ELFN2: variants seen among roughly 807,000 people sequenced by gnomAD.
ELFN2 encodes extracellular leucine rich repeat and fibronectin type III domain containing 2.
Under a neutral mutation model 45.5 loss-of-function variants are expected in ELFN2, and 17 were observed. That is an observed-to-expected ratio of 0.37 (90% CI 0.26 to 0.56). The LOEUF (loss-of-function observed/expected upper bound fraction) is 0.56, where lower values mean the gene tolerates loss of function less well. Among genes scored for constraint, ELFN2 ranks in the 20% least tolerant of loss-of-function variants. The probability of loss-of-function intolerance (pLI) is 0.77; values close to 1 mark genes in which losing one functional copy is unlikely to be tolerated. For missense variants in ELFN2, 922 were observed against 1,183.2 expected (o/e 0.78, Z 3.24); for synonymous variants, 550 against 551.5 (o/e 1.00, Z 0.04).
chr22:37,344,043 C>T (rs1930629767), intron 1 of ELFN2, among the ~76,000 whole-genome samples: 1 of 143,832 alleles, frequency 7.0e-6, no homozygotes, highest in Non-Finnish European at 1.5e-5. Context: ...GCCCACCTGC[C>T]CATGCCCACC....
chr22:37,392,392 G>A (rs895520272), intron 2 of ELFN2, among the ~76,000 whole-genome samples: 10 of 148,956 alleles, frequency 6.7e-5, no homozygotes, highest in East Asian at 4.0e-4. Context: ...ATCTGGGCTC[G>A]CTGCAACCTC....
chr22:37,364,609 GCTC>G (rs1931161476), downstream of ELFN2, among the ~76,000 whole-genome samples: 1 of 152,220 alleles, frequency 6.6e-6, no homozygotes, highest in South Asian at 2.1e-4. Flanking sequence ...GCAGGACACA[GCTC>G]CTGTAGACAC....
In ELFN2 at chr22:37,374,521, G is replaced by A; in HGVS notation, c.1014C>T (p.Thr338=). The A allele has an allele frequency of 6.2e-7, 1 of 1,614,238 alleles. No homozygotes were observed. The highest frequency in any genetic ancestry group is 8.5e-7 in the Non-Finnish European group (1 of 1,180,038). ...YNNSYFSDVM[T]LKNKKEIVTL... ...TCACGATCTCCTTCTTGTTCTTGAGGGTCATGACGTCGGAGAAGTAGCTGT... is the reference window on the plus strand; with the variant it reads ...TCACGATCTCCTTCTTGTTCTTGAGAGTCATGACGTCGGAGAAGTAGCTGT... The change falls in exon 3 of 3, where the codon ACC becomes ACT. Residue 338 remains threonine (T), a synonymous_variant. Coordinates refer to ENST00000402918, the MANE Select transcript of ELFN2 (RefSeq NM_052906.5).
intron 2 of ELFN2, among the ~76,000 whole-genome samples, chr22:37,379,657 G>A (rs763768129): frequency 1.7e-4 from 26 of 152,322 alleles, no homozygotes; most frequent in Middle Eastern, 6.8e-3. Flanking sequence ...CTCTCATGGG[G>A]ACATTCATGG....
chr22:37,415,969 AAAT>A (rs1304664190), intron 2 of ELFN2, among the ~76,000 whole-genome samples: 2 of 152,190 alleles, frequency 1.3e-5, no homozygotes, highest in African/African-American at 2.4e-5. Context: ...TCTCAAAAAA[AAAT>A]AATAATAATG....
At position 37,371,566 on chromosome 22, in the gene ELFN2, C is replaced by A. The variant is rs1352363698; in HGVS notation, c.*1506G>T. 2 of 152,582 alleles carry A rather than the reference C, an allele frequency of 1.3e-5. No individual in the cohort carries two copies. The highest frequency in any genetic ancestry group is 6.5e-5 in the Admixed American group (1 of 15,286). 9.5% of individuals were successfully genotyped at this position (152,582 alleles called of 1,614,324 possible). ...CAGTCTCAGGACCGCAGATTTGCCTCCCAAAAGAGCTGGCCCCAGGAGCTG... is the reference window on the plus strand; with the variant it reads ...CAGTCTCAGGACCGCAGATTTGCCTACCAAAAGAGCTGGCCCCAGGAGCTG... On this transcript the variant is annotated 3_prime_UTR_variant, in exon 3 of 3. Transcript: ENST00000402918. This position sits in a 1 kb window ranked among gnomAD's most constrained non-coding sequence, Gnocchi z 6.4.
intron 2 of ELFN2, among the ~76,000 whole-genome samples, chr22:37,415,805 A>G (rs930791560): frequency 1.3e-5 from 2 of 152,226 alleles, no homozygotes; most frequent in Non-Finnish European, 2.9e-5. Context: ...TACTAAAAAT[A>G]CAAAAAATTA....
At chr22:37,378,191 G>A (rs534519534) in intron 2 of ELFN2, among the ~76,000 whole-genome samples, 3 of 152,372 alleles carry the variant, frequency 2.0e-5, no homozygotes, top group East Asian at 3.9e-4. Context: ...CATCAGCTTC[G>A]GGGGCATGTG....
In ELFN2 at chr22:37,374,558, A is replaced by T; in HGVS notation, c.977T>A (p.Val326Glu). The change falls in exon 3 of 3, where the codon GTG (valine) becomes GAG (glutamate). Residue 326 changes from valine (V) to glutamate (E), a missense_variant. Physicochemically the swap from Val to Glu is moderately radical, Grantham distance 121 (BLOSUM62 -2). Transcript: ENST00000402918. ...PHPYSKMYILVQYNNSYFSDV... is the reference protein window; with the variant it reads ...PHPYSKMYILEQYNNSYFSDV... ...GGAGAAGTAGCTGTTGTTGTACTGC[A>T]CGAGGATGTACATCTTGCTGTAGGG... 6.2e-7 allele frequency: 1 copy of T among 1,614,230 alleles called. No individual in the cohort carries two copies.
rs914308615 is a variant in ELFN2, at chr22:37,350,304, G to T, written n.149-7601C>A. Among the ~76,000 whole-genome samples, 23 of 150,872 alleles carry T rather than the reference G, an allele frequency of 1.5e-4. 1 individual carries two copies. Among genetic ancestry groups the T allele is most frequent in the African/African-American group, 5.6e-4 (23 of 41,334 alleles). On this transcript the variant is annotated intron_variant and non_coding_transcript_variant, in intron 1 of 2. Transcript: ENST00000452946. ...AAGGAAATGATTCAGTTTTGTTCCT[G>T]GAGGCAAAAGAAGTTCCATTTCTGC...
rs375431889 is a variant in ELFN2 at position 37,422,949 on chromosome 22, G to C, written c.-614+4349C>G. Among the ~76,000 whole-genome samples, 89 of 149,002 alleles carry C rather than the reference G, an allele frequency of 6.0e-4. 2 individuals are homozygous for C. Among genetic ancestry groups the C allele is most frequent in the Admixed American group, 2.0e-3 (30 of 15,070 alleles). ...TATTGAGGAAACTGGGCCTCGGGGGGGGGGGGGGAAGTGACTTGCCCAGGA... is the reference window on the plus strand; with the variant it reads ...TATTGAGGAAACTGGGCCTCGGGGGCGGGGGGGGAAGTGACTTGCCCAGGA... On this transcript the variant is annotated intron_variant, in intron 1 of 2. Transcript: ENST00000402918.
intron 2 of ELFN2, among the ~76,000 whole-genome samples, chr22:37,387,072 G>C (rs1224064249): frequency 6.6e-6 from 1 of 152,224 alleles, no homozygotes; most frequent in Non-Finnish European, 1.5e-5. Flanking sequence ...CACACGCCAG[G>C]CAGGCAGGAG....
At chr22:37,420,940 C>G (rs974385281) in intron 1 of ELFN2, among the ~76,000 whole-genome samples, 2 of 152,138 alleles carry the variant, frequency 1.3e-5, no homozygotes, top group Non-Finnish European at 2.9e-5. Context: ...GGGGAACATG[C>G]AGCTGCCATC....
chr22:37,355,666 C>T (rs1930932127), intron 1 of ELFN2, among the ~76,000 whole-genome samples: 1 of 152,236 alleles, frequency 6.6e-6, no homozygotes, highest in South Asian at 2.1e-4. Context: ...GTATCAGCTC[C>T]TGGAGGGCCC....
At chr22:37,393,875 C>G (rs147840404) in intron 2 of ELFN2, among the ~76,000 whole-genome samples, 1 of 152,174 alleles carries the variant, frequency 6.6e-6, no homozygotes, top group Non-Finnish European at 1.5e-5. Flanking sequence ...CGACACGGAA[C>G]GGGTCCCCCA....
chr22:37,408,032 G>C (rs1014766412), intron 2 of ELFN2, among the ~76,000 whole-genome samples: 1 of 152,214 alleles, frequency 6.6e-6, no homozygotes, highest in Non-Finnish European at 1.5e-5. Context: ...AGCTGGATGA[G>C]ATGCTGTCCA....
At chr22:37,389,545 C>T (rs1242586259) in intron 2 of ELFN2, among the ~76,000 whole-genome samples, 2 of 152,130 alleles carry the variant, frequency 1.3e-5, no homozygotes, top group South Asian at 2.1e-4. Flanking sequence ...GCTATGCCCC[C>T]ACAACCCCGA....
At chr22:37,407,184 T>TC (rs34937941) in intron 2 of ELFN2, among the ~76,000 whole-genome samples, 28,047 of 152,086 alleles carry the variant, frequency 0.18, 3,797 homozygotes, top group African/African-American at 0.38. Flanking sequence ...ACAAGAGGGC[T>TC]CGGGACTGGG....
chr22:37,392,532 A>G (rs868560739), intron 2 of ELFN2, among the ~76,000 whole-genome samples: 2 of 152,058 alleles, frequency 1.3e-5, no homozygotes, highest in East Asian at 1.9e-4. Context: ...GTTAGCCAGG[A>G]TGGTCTCGAT....
Sources: gnomAD v4.1 joint callset for allele counts (sites outside exome capture counted in the v4.1 genomes callset) on GRCh38, gnomAD v4.1.1 for gene constraint, Gnocchi (gnomAD v3.1) non-coding constraint, MANE v1.5 for transcripts, NCBI Gene and HGNC (gene_info 2026-07-23, HGNC 2026-07-21) for gene names.